Variants in TACR3 observed in about 807,000 individuals in gnomAD.
The protein encoded by TACR3 is neuromedin-K receptor.
A neutral mutation model predicts 35.0 loss-of-function variants in TACR3; 34 were observed. The ratio of observed to expected loss-of-function variants is 0.97; its 90% CI spans 0.74 to 1.30. The LOEUF (loss-of-function observed/expected upper bound fraction) is 1.30, where lower values mean the gene tolerates loss of function less well. Among genes scored for constraint, TACR3 ranks in the 50% most tolerant of loss-of-function variants. TACR3 has a pLI of 0.00. For missense variants in TACR3, 558 were observed against 591.7 expected (o/e 0.94, Z 0.59); for synonymous variants, 233 against 221.1 (o/e 1.05, Z -0.48).
At chr4:103,629,898 A>AC (rs201502870) in intron 3 of TACR3, among the ~76,000 whole-genome samples, 3,948 of 148,390 alleles carry the variant, frequency 0.027, 107 homozygotes, top group Middle Eastern at 0.047. Flanking sequence ...AACAACAAAA[A>AC]AAAACAAAGC....
rs1048699273 is a variant in TACR3, at chr4:103,707,535, C to T, written c.548+11593G>A. On this transcript the variant is annotated intron_variant, in intron 1 of 4. Coordinates refer to ENST00000304883, the MANE Select transcript of TACR3 (RefSeq NM_001059.3). ...TCAATAAGACACAGTTCCAAGATGG[C>T]CAAATAGGAACAGCTCCAGTCTACA... Among the ~76,000 whole-genome samples the T allele has an allele frequency of 1.6e-4, 25 of 152,046 alleles. 1 individual carries two copies. Among genetic ancestry groups the T allele is most frequent in the African/African-American group, 5.8e-4 (24 of 41,396 alleles).
At chr4:103,626,637 T>C (rs183621246) in intron 3 of TACR3, among the ~76,000 whole-genome samples, 1 of 152,292 alleles carries the variant, frequency 6.6e-6, no homozygotes, top group African/African-American at 2.4e-5. Context: ...AGGTAATTTA[T>C]ATTTGATGTT....
chr4:103,688,081 A>T (rs1321473730), intron 1 of TACR3, among the ~76,000 whole-genome samples: 1 of 152,208 alleles, frequency 6.6e-6, no homozygotes, highest in Non-Finnish European at 1.5e-5. Flanking sequence ...CAGAGCCCTC[A>T]GAAATAATGC....
At chr4:103,663,380 G>A (rs1295456835) in intron 1 of TACR3, among the ~76,000 whole-genome samples, 1 of 152,174 alleles carries the variant, frequency 6.6e-6, no homozygotes. Flanking sequence ...TGTAATCCCA[G>A]CTACTCAAGA....
At chr4:103,705,272 A>G (rs1047992851) in intron 1 of TACR3, among the ~76,000 whole-genome samples, 14 of 152,286 alleles carry the variant, frequency 9.2e-5, no homozygotes, top group Admixed American at 2.6e-4. Context: ...TTGCAATTTC[A>G]TAAAAAATAT....
At chr4:103,658,856 A>G (rs1457877572) in intron 1 of TACR3, among the ~76,000 whole-genome samples, 1 of 152,092 alleles carries the variant, frequency 6.6e-6, no homozygotes, top group African/African-American at 2.4e-5. Flanking sequence ...TTCTGTTGTG[A>G]TTCCATTGTA....
intron 3 of TACR3, among the ~76,000 whole-genome samples, chr4:103,608,674 T>A (rs546941990): frequency 6.6e-6 from 1 of 152,258 alleles, no homozygotes; most frequent in Non-Finnish European, 1.5e-5. Flanking sequence ...TGAATGCTAT[T>A]GGAATAAGCC....
intron 3 of TACR3, among the ~76,000 whole-genome samples, chr4:103,655,141 T>C (rs1207080308): frequency 6.6e-6 from 1 of 152,216 alleles, no homozygotes; most frequent in Non-Finnish European, 1.5e-5. Context: ...GAAATCATGG[T>C]AAATGTTAAC....
Position 103,589,632 on chromosome 4 carries a change from G to C in TACR3, c.*50C>G, listed in dbSNP as rs1214447415. 2 of 1,605,628 alleles carry C rather than the reference G, an allele frequency of 1.2e-6. No individual in the cohort carries two copies. Among genetic ancestry groups the C allele is most frequent in the Non-Finnish European group, 1.7e-6 (2 of 1,173,296 alleles). ...TGGTAAATAGGAGAATGGGGTCCTAGACTGGCACCATGATGGTCTCACACT... is the reference window on the plus strand; with the variant it reads ...TGGTAAATAGGAGAATGGGGTCCTACACTGGCACCATGATGGTCTCACACT... On this transcript the variant is annotated 3_prime_UTR_variant, in exon 5 of 5. Transcript: ENST00000304883.
chr4:103,697,228 T>C (rs1276941890), intron 1 of TACR3, among the ~76,000 whole-genome samples: 1 of 152,154 alleles, frequency 6.6e-6, no homozygotes, highest in Non-Finnish European at 1.5e-5. Context: ...ATGTGATTGC[T>C]CATTGATTAT....
intron 3 of TACR3, among the ~76,000 whole-genome samples, chr4:103,643,694 A>G (rs1373066978): frequency 6.6e-6 from 1 of 151,800 alleles, no homozygotes; most frequent in East Asian, 1.9e-4. Flanking sequence ...AGCTCTATAT[A>G]ATGATTGTAT....
At chr4:103,609,577 T>C (rs1233039754) in intron 3 of TACR3, among the ~76,000 whole-genome samples, 2 of 152,138 alleles carry the variant, frequency 1.3e-5, no homozygotes, top group Non-Finnish European at 2.9e-5. Context: ...AGAATACTTA[T>C]CTCAAACATT....
At chr4:103,648,205 C>T (rs1192991736) in intron 3 of TACR3, among the ~76,000 whole-genome samples, 1 of 151,934 alleles carries the variant, frequency 6.6e-6, no homozygotes, top group African/African-American at 2.4e-5. Context: ...TAGAGGTATA[C>T]ATTTATGAGT....
intron 3 of TACR3, among the ~76,000 whole-genome samples, chr4:103,638,487 C>T (rs1259926894): frequency 6.6e-6 from 1 of 151,874 alleles, no homozygotes; most frequent in Non-Finnish European, 1.5e-5. Flanking sequence ...CATAAAAACC[C>T]TAGAAGAAAA....
intron 1 of TACR3, among the ~76,000 whole-genome samples, chr4:103,699,954 T>G (rs1722607618): frequency 6.6e-6 from 1 of 152,174 alleles, no homozygotes; most frequent in African/African-American, 2.4e-5. Context: ...TTAATTATTA[T>G]ATATAATTTC....
In TACR3 at chr4:103,589,335, G is replaced by GA. The variant is rs1364255405; in HGVS notation, c.*346dup. On this transcript the variant is annotated 3_prime_UTR_variant, in exon 5 of 5. Coordinates refer to ENST00000304883, the MANE Select transcript of TACR3 (RefSeq NM_001059.3). ...GTTTTAAAGATTCTTTAATCTCTTG[G>GA]AAAAACTATATATCATTTTAATGTC... The GA allele has an allele frequency of 1.5e-5, 3 of 194,662 alleles. No homozygotes were observed. In the East Asian group the frequency reaches 3.5e-4, roughly 23 times the overall value. 12.1% of individuals were successfully genotyped at this position (194,662 alleles called of 1,614,324 possible). A position where few individuals can be genotyped will look rare whatever the true frequency, so the allele number is the denominator to read the frequency against.
intron 3 of TACR3, among the ~76,000 whole-genome samples, chr4:103,642,100 T>C (rs975824755): frequency 2.0e-4 from 30 of 151,668 alleles, no homozygotes; most frequent in Middle Eastern, 3.2e-3. Flanking sequence ...TATTTTGAAA[T>C]TGCTAAGAGA....
intron 3 of TACR3, among the ~76,000 whole-genome samples, chr4:103,603,586 G>A (rs1724265476): frequency 6.6e-6 from 1 of 152,142 alleles, no homozygotes; most frequent in Non-Finnish European, 1.5e-5. Context: ...TGGGCATTTG[G>A]GTTGGTTCCA....
At chr4:103,650,545 A>AT (rs1310606833) in intron 3 of TACR3, among the ~76,000 whole-genome samples, 17 of 125,766 alleles carry the variant, frequency 1.4e-4, no homozygotes, top group African/African-American at 1.8e-4. Context: ...ATAAATATAT[A>AT]AAATAAATTT....
Sources: gnomAD v4.1 joint callset for allele counts (sites outside exome capture counted in the v4.1 genomes callset) on GRCh38, gnomAD v4.1.1 for gene constraint, MANE v1.5 for transcripts, NCBI Gene and HGNC (gene_info 2026-07-23, HGNC 2026-07-21) for gene names.